ADCY2: variants seen among roughly 807,000 people sequenced by gnomAD.
ADCY2 encodes the protein adenylate cyclase type 2.
In ADCY2, 31 loss-of-function variants were observed where a neutral mutation model predicts 125.2. That is an observed-to-expected ratio of 0.25 (90% CI 0.19 to 0.33). ADCY2 has a LOEUF of 0.33. Ranked by LOEUF, ADCY2 falls within the 10% of genes least tolerant of loss-of-function variation. ADCY2 has a pLI of 1.00. For missense variants in ADCY2, 904 were observed against 1,418.2 expected, an observed-to-expected ratio of 0.64 and a Z score of 5.82; for synonymous variants, 512 against 548.4, an observed-to-expected ratio of 0.93 and a Z score of 0.93.
chr5:7,751,878 C>T (rs1742836012), intron 15 of ADCY2, among the ~76,000 whole-genome samples: 1 of 152,184 alleles, frequency 6.6e-6, no homozygotes, highest in South Asian at 2.1e-4. Flanking sequence ...TGAGCTCTCT[C>T]TTTGTTTCTG....
In ADCY2 at chr5:7,576,700, A is replaced by T. The variant is rs77066596; in HGVS notation, c.571-49467A>T. The stretch of plus-strand genomic sequence containing the variant: ...AGAATATGAAACTGAGGCTCAGATA[A>T]TTTAAATAACTTGCTTAAAGGTCAC... On this transcript the variant is annotated intron_variant, in intron 3 of 24. Transcript: ENST00000338316. Among the ~76,000 whole-genome samples, 800 of 152,274 alleles carry T rather than the reference A, an allele frequency of 5.3e-3. 2 individuals are homozygous for T. Among genetic ancestry groups the T allele is most frequent in the African/African-American group, 0.018 (752 of 41,550 alleles).
intron 20 of ADCY2, chr5:7,798,625 G>C (rs1744500529): frequency 7.0e-6 from 1 of 142,952 alleles, no homozygotes; most frequent in South Asian, 2.3e-4. Context: ...TGTCACCCAG[G>C]CTGGAGTGCA....
At chr5:7,564,623 C>T (rs1025581527) in intron 3 of ADCY2, among the ~76,000 whole-genome samples, 1 of 152,098 alleles carries the variant, frequency 6.6e-6, no homozygotes, top group Non-Finnish European at 1.5e-5. Context: ...AAACTCAAAT[C>T]GCTCTCTGCT....
chr5:7,521,725 G>A (rs1295985174), intron 3 of ADCY2, among the ~76,000 whole-genome samples: 1 of 152,204 alleles, frequency 6.6e-6, no homozygotes. Flanking sequence ...TTCACGTGAT[G>A]TGCTATTTCA....
chr5:7,753,952 G>A (rs1742908451), intron 15 of ADCY2, among the ~76,000 whole-genome samples: 1 of 152,150 alleles, frequency 6.6e-6, no homozygotes, highest in Admixed American at 6.5e-5. Flanking sequence ...CTGACCTCTG[G>A]AACAACACAT....
At chr5:7,627,279 C>T (rs1270085473) in intron 4 of ADCY2, among the ~76,000 whole-genome samples, 1 of 152,124 alleles carries the variant, frequency 6.6e-6, no homozygotes, top group African/African-American at 2.4e-5. Context: ...AATGTATAGA[C>T]TGCAAGGAAG....
intron 3 of ADCY2, among the ~76,000 whole-genome samples, chr5:7,616,087 T>C (rs1309546152): frequency 1.3e-5 from 2 of 152,194 alleles, no homozygotes; most frequent in Non-Finnish European, 2.9e-5. Context: ...TAAACAAAAC[T>C]CCTGGGAATT....
chr5:7,822,952 G>T (rs546279282), intron 24 of ADCY2, among the ~76,000 whole-genome samples: 1 of 152,152 alleles, frequency 6.6e-6, no homozygotes, highest in African/African-American at 2.4e-5. Context: ...CAAGACATGC[G>T]AATAGCCTTG....
chr5:7,578,196 A>G (rs1448252354), intron 3 of ADCY2, among the ~76,000 whole-genome samples: 2 of 152,218 alleles, frequency 1.3e-5, no homozygotes, highest in African/African-American at 4.8e-5. Flanking sequence ...GAATGCTTTT[A>G]ATGTGAATGA....
chr5:7,585,397 C>T (rs964765603), intron 3 of ADCY2, among the ~76,000 whole-genome samples: 1 of 152,264 alleles, frequency 6.6e-6, no homozygotes, highest in Non-Finnish European at 1.5e-5. Flanking sequence ...CAACATCTTG[C>T]GTGTCCCTTT....
Position 7,695,875 on chromosome 5 carries a change from G to C in ADCY2, c.981+12G>C. The C allele has an allele frequency of 6.4e-7, 1 of 1,566,254 alleles. No homozygotes were observed. The highest frequency in any genetic ancestry group is 8.8e-7 in the Non-Finnish European group (1 of 1,142,538). On this transcript the variant is annotated intron_variant, in intron 6 of 24. Coordinates refer to ENST00000338316, the MANE Select transcript of ADCY2 (RefSeq NM_020546.3). ...ATCAAATTGCAAAGGTGAGTATTAT[G>C]GATTCTTTTCTTCTCTGAAGATTTC...
At chr5:7,704,601 C>T (rs531085347) in intron 7 of ADCY2, among the ~76,000 whole-genome samples, 14 of 152,182 alleles carry the variant, frequency 9.2e-5, no homozygotes, top group African/African-American at 1.9e-4. Context: ...GCTAGTTGGC[C>T]GGGCGCGGTG....
At chr5:7,816,637 AG>A (rs1745121198) in intron 22 of ADCY2, among the ~76,000 whole-genome samples, 1 of 152,240 alleles carries the variant, frequency 6.6e-6, no homozygotes, top group Non-Finnish European at 1.5e-5. Flanking sequence ...GTTTGGCCTG[AG>A]GGGGCCTGAG....
intron 3 of ADCY2, among the ~76,000 whole-genome samples, chr5:7,601,840 T>C (rs1737216827): frequency 1.3e-5 from 2 of 152,214 alleles, no homozygotes. Flanking sequence ...TCCCTAGGGC[T>C]GCTGTAATAC....
chr5:7,624,092 T>G (rs1235316641), intron 3 of ADCY2, among the ~76,000 whole-genome samples: 1 of 152,204 alleles, frequency 6.6e-6, no homozygotes, highest in Non-Finnish European at 1.5e-5. Context: ...TGCATCATTC[T>G]GGACCCCACT....
intron 3 of ADCY2, among the ~76,000 whole-genome samples, chr5:7,570,382 T>A (rs1001779322): frequency 2.0e-5 from 3 of 152,108 alleles, no homozygotes; most frequent in South Asian, 4.1e-4. Flanking sequence ...TTAAAAACCT[T>A]TTTTTCTTCA....
chr5:7,788,477 G>C (rs1446499348), intron 19 of ADCY2, among the ~76,000 whole-genome samples: 1 of 152,162 alleles, frequency 6.6e-6, no homozygotes, highest in Non-Finnish European at 1.5e-5. Context: ...ACCATGTCTG[G>C]CTAAATATAA....
At chr5:7,447,316 C>T (rs1212411553) in intron 2 of ADCY2, among the ~76,000 whole-genome samples, 1 of 152,210 alleles carries the variant, frequency 6.6e-6, no homozygotes, top group East Asian at 1.9e-4. Flanking sequence ...GCCTGTGACC[C>T]TGCCTGGCCA....
chr5:7,474,797 T>C (rs1168291564), intron 2 of ADCY2, among the ~76,000 whole-genome samples: 1 of 152,236 alleles, frequency 6.6e-6, no homozygotes. Flanking sequence ...ACTGGGATCC[T>C]AATGGAAATA....
Sources: gnomAD v4.1 joint callset for allele counts (sites outside exome capture counted in the v4.1 genomes callset) on GRCh38, gnomAD v4.1.1 for gene constraint, MANE v1.5 for transcripts, NCBI Gene and HGNC (gene_info 2026-07-23, HGNC 2026-07-21) for gene names.